Variants in RNF150 observed in about 807,000 individuals in gnomAD.
RNF150 encodes the protein ring finger protein 150.
Under a neutral mutation model 39.3 loss-of-function variants are expected in RNF150, and 24 were observed. The ratio of observed to expected loss-of-function variants is 0.61; its 90% CI spans 0.44 to 0.86. RNF150 has a LOEUF of 0.86. RNF150 is among the 40% of genes least tolerant of loss of function. RNF150 has a pLI of 0.00. For missense variants in RNF150, 502 were observed against 587.8 expected (o/e 0.85, Z 1.51); for synonymous variants, 255 against 227.3 (o/e 1.12, Z -1.10).
chr4:140,917,921 C>A (rs9654250), intron 5 of RNF150, among the ~76,000 whole-genome samples: 83,444 of 151,326 alleles, frequency 0.55, 23,480 homozygotes, highest in East Asian at 0.89. Context: ...GGAAACTGAA[C>A]AACCTGCTCC....
intron 5 of RNF150, among the ~76,000 whole-genome samples, chr4:140,924,308 A>C (rs1179264412): frequency 1.3e-5 from 2 of 152,188 alleles, no homozygotes; most frequent in African/African-American, 4.8e-5. Context: ...AATTCTTCTA[A>C]AAATAATTAA....
At chr4:141,157,411 A>G (rs959579296) in intron 1 of RNF150, among the ~76,000 whole-genome samples, 31 of 152,200 alleles carry the variant, frequency 2.0e-4, no homozygotes, top group African/African-American at 7.5e-4. Context: ...TGACTCAGCC[A>G]CCAGTGATTC....
intron 2 of RNF150, among the ~76,000 whole-genome samples, chr4:140,951,330 A>C (rs558817699): frequency 6.6e-6 from 1 of 152,252 alleles, no homozygotes; most frequent in African/African-American, 2.4e-5. Flanking sequence ...TGCCTTCAAT[A>C]ATAGGCAGTC....
chr4:141,195,684 A>G (rs1728190947), intron 1 of RNF150, among the ~76,000 whole-genome samples: 1 of 152,238 alleles, frequency 6.6e-6, no homozygotes, highest in Admixed American at 6.5e-5. Flanking sequence ...TTATGGGAGT[A>G]GGATAGTTTA....
chr4:141,160,707 T>C (rs903100922), intron 1 of RNF150, among the ~76,000 whole-genome samples: 3 of 152,132 alleles, frequency 2.0e-5, no homozygotes, highest in African/African-American at 7.2e-5. Flanking sequence ...GAGCTGGTTG[T>C]TTAAAAGTGT....
At chr4:140,885,490 G>A (rs1349201375) in intron 6 of RNF150, among the ~76,000 whole-genome samples, 1 of 140,574 alleles carries the variant, frequency 7.1e-6, no homozygotes, top group Non-Finnish European at 1.5e-5. Flanking sequence ...AGGCTGGAGT[G>A]CAGTGGTGCG....
chr4:140,949,886 A>C (rs556261308), intron 2 of RNF150, among the ~76,000 whole-genome samples: 1 of 152,284 alleles, frequency 6.6e-6, no homozygotes, highest in African/African-American at 2.4e-5. Flanking sequence ...TCACATTCTC[A>C]TGTGGCAATT....
intron 1 of RNF150, among the ~76,000 whole-genome samples, chr4:141,031,012 A>C (rs1192879657): frequency 6.6e-6 from 1 of 152,026 alleles, no homozygotes; most frequent in East Asian, 1.9e-4. Flanking sequence ...AAACAATCCT[A>C]TTGGCAAACA....
intron 6 of RNF150, among the ~76,000 whole-genome samples, chr4:140,883,651 CAT>C (rs1729455840): frequency 6.6e-6 from 1 of 152,162 alleles, no homozygotes; most frequent in Non-Finnish European, 1.5e-5. Flanking sequence ...TGCTGATAAT[CAT>C]ATGTAAGCTC....
chr4:141,125,304 C>T lies in RNF150; in HGVS notation c.484+7021G>A, dbSNP rs571205301. 6.7e-4 allele frequency among the ~76,000 whole-genome samples: 101 copies of T among 151,490 alleles called. 2 individuals are homozygous for T. The highest frequency in any genetic ancestry group is 2.3e-3 in the African/African-American group (95 of 41,282). ...TTAATAGAACGATTGTAAATTGCAA[C>T]TTAGTAGAAGAATTACACAGCACAA... is the stretch of plus-strand genomic sequence containing the variant. On this transcript the variant is annotated intron_variant, in intron 1 of 6. Coordinates refer to ENST00000515673, the MANE Select transcript of RNF150 (RefSeq NM_020724.2).
intron 1 of RNF150, among the ~76,000 whole-genome samples, chr4:141,062,471 A>G (rs575324565): frequency 6.6e-6 from 1 of 152,226 alleles, no homozygotes; most frequent in East Asian, 1.9e-4. Flanking sequence ...TATCACTCAT[A>G]ATCTTACCAC....
At chr4:140,919,022 G>C (rs1730983132) in intron 5 of RNF150, among the ~76,000 whole-genome samples, 1 of 151,940 alleles carries the variant, frequency 6.6e-6, no homozygotes, top group East Asian at 1.9e-4. Flanking sequence ...GTTAGGTATT[G>C]ATGGGACGTA....
At chr4:140,994,955 A>C (rs1165430546) in intron 1 of RNF150, among the ~76,000 whole-genome samples, 1 of 152,230 alleles carries the variant, frequency 6.6e-6, no homozygotes. Context: ...AGGTATTTAT[A>C]ACTTCAGCAT....
chr4:140,934,539 T>G (rs973790265), intron 4 of RNF150, among the ~76,000 whole-genome samples: 1 of 152,138 alleles, frequency 6.6e-6, no homozygotes, highest in Non-Finnish European at 1.5e-5. Context: ...TGCTTTCTTT[T>G]CAGGCTCACA....
chr4:141,062,388 T>TAC (rs143501224), intron 1 of RNF150, among the ~76,000 whole-genome samples: 5 of 151,826 alleles, frequency 3.3e-5, no homozygotes, highest in Non-Finnish European at 5.9e-5. Flanking sequence ...TATGTATGTC[T>TAC]ACACACACAC....
chr4:141,061,929 T>C (rs1464952392), intron 1 of RNF150, among the ~76,000 whole-genome samples: 1 of 151,256 alleles, frequency 6.6e-6, no homozygotes, highest in Non-Finnish European at 1.5e-5. Context: ...CAAAAGTACA[T>C]CGATTTTAAA....
chr4:141,065,599 G>A (rs770170058), intron 1 of RNF150, among the ~76,000 whole-genome samples: 5 of 151,718 alleles, frequency 3.3e-5, no homozygotes, highest in Admixed American at 6.6e-5. Context: ...TAAGAAAGGC[G>A]AATTTTAGAA....
In RNF150 at chr4:140,968,889, G is replaced by T. The variant is rs148280580; in HGVS notation, c.485-1016C>A. ...ATATTAATTTCATTAGGGTATGTTT[G>T]CAGGAATCACCCCAATTCAAATCCA... On this transcript the variant is annotated intron_variant, in intron 1 of 6. Transcript: ENST00000515673. Among the ~76,000 whole-genome samples, 793 of 151,776 alleles carry T rather than the reference G, an allele frequency of 5.2e-3. 21 individuals are homozygous for T. The highest frequency in any genetic ancestry group is 0.041 in the Admixed American group (626 of 15,224).
intron 1 of RNF150, among the ~76,000 whole-genome samples, chr4:141,062,735 T>C (rs1275329692): frequency 1.6e-4 from 24 of 152,124 alleles, no homozygotes; most frequent in Admixed American, 1.4e-3. Context: ...CATAGGTATA[T>C]TGTATTATGC....
Sources: allele counts gnomAD v4.1 joint callset (sites outside exome capture counted in the v4.1 genomes callset), GRCh38; gene constraint gnomAD v4.1.1; transcripts MANE v1.5; gene names NCBI Gene and HGNC (gene_info 2026-07-23, HGNC 2026-07-21).